The following KIAA1958 variants were observed in gnomAD, a reference collection of about 807,000 sequenced individuals.
The protein encoded by KIAA1958 is KIAA1958, also known as uncharacterized protein KIAA1958.
Under a neutral mutation model 47.2 loss-of-function variants are expected in KIAA1958, and 14 were observed. The ratio of observed to expected loss-of-function variants is 0.30; its 90% CI spans 0.20 to 0.46. The LOEUF is 0.46. Ranked by LOEUF, KIAA1958 falls within the 20% of genes least tolerant of loss-of-function variation. The probability of loss-of-function intolerance (pLI) is 1.00; values close to 1 mark genes in which losing one functional copy is unlikely to be tolerated. For synonymous variants in KIAA1958, 354 were observed against 353.3 expected, an observed-to-expected ratio of 1.00 and a Z score of -0.02; for missense variants, 803 against 909.2, an observed-to-expected ratio of 0.88 and a Z score of 1.50.
intron 2 of KIAA1958, among the ~76,000 whole-genome samples, chr9:112,644,996 G>A (rs76171559): frequency 2.6e-4 from 35 of 134,720 alleles, no homozygotes; most frequent in Admixed American, 2.4e-3. Context: ...TTAGCCAGAC[G>A]TGATGGCAGG....
chr9:112,560,198 C>CTTT (rs745805478), intron 1 of KIAA1958, among the ~76,000 whole-genome samples: 1,101 of 108,620 alleles, frequency 0.01, 35 homozygotes, highest in African/African-American at 0.029. Context: ...TTTTCTTTTT[C>CTTT]TTTTTTTTTC....
chr9:112,654,336 G>A (rs1003379219), intron 3 of KIAA1958, among the ~76,000 whole-genome samples: 1 of 152,162 alleles, frequency 6.6e-6, no homozygotes, highest in African/African-American at 2.4e-5. Context: ...TTAGGAGAAT[G>A]GATAGAATGG....
rs144004163 is a variant in KIAA1958, at chr9:112,589,060, G to T, written c.1171+13809G>T. On this transcript the variant is annotated intron_variant, in intron 2 of 3. Coordinates refer to ENST00000337530, the MANE Select transcript of KIAA1958 (RefSeq NM_133465.4). ...CTCCCAGAGCGCTAGGTTTACAGGCGTGAGCCACCGTGCCCAGCTCTCTAA... is the reference window on the plus strand; with the variant it reads ...CTCCCAGAGCGCTAGGTTTACAGGCTTGAGCCACCGTGCCCAGCTCTCTAA... Among the ~76,000 whole-genome samples the T allele has an allele frequency of 3.3e-3, 503 of 152,162 alleles. 1 individual carries two copies. Among genetic ancestry groups the T allele is most frequent in the African/African-American group, 0.011 (452 of 41,508 alleles).
intron 1 of KIAA1958, among the ~76,000 whole-genome samples, chr9:112,555,103 T>C (rs1588015980): frequency 1.3e-5 from 2 of 152,174 alleles, no homozygotes; most frequent in African/African-American, 2.4e-5. Flanking sequence ...CCCCTAACTT[T>C]ATCCTCCCAG....
In KIAA1958 at chr9:112,646,232, G is replaced by A. The variant is rs536139477; in HGVS notation, c.1344+410G>A. On this transcript the variant is annotated intron_variant, in intron 3 of 3. Coordinates refer to ENST00000337530, the MANE Select transcript of KIAA1958 (RefSeq NM_133465.4). ...CAGAGGCCTCATATCTTGGTATCATGGACAATAAAACCAGATTCTGATAAC... is the reference window on the plus strand; with the variant it reads ...CAGAGGCCTCATATCTTGGTATCATAGACAATAAAACCAGATTCTGATAAC... 5.3e-5 allele frequency among the ~76,000 whole-genome samples: 8 copies of A among 152,190 alleles called. No individual in the cohort carries two copies. The South Asian group carries it at 1.7e-3, about 32-fold the overall frequency.
rs1833860104 is a variant in KIAA1958 at position 112,486,936 on chromosome 9, C to T, written c.-207C>T. 6.4e-6 allele frequency: 1 copy of T among 155,974 alleles called. No homozygotes were observed. Among genetic ancestry groups the T allele is most frequent in the African/African-American group, 2.5e-5 (1 of 40,600 alleles). 9.7% of individuals were successfully genotyped at this position (155,974 alleles called of 1,614,324 possible). On this transcript the variant is annotated 5_prime_UTR_variant, in exon 1 of 4. Transcript: ENST00000337530. ...TGGCGCCCCCGCCCCCCGCCCCGCT[C>T]CTCGGTCCGCCGCCCGCCGGGCGCC...
At chr9:112,504,050 T>C (rs1834192141) in intron 1 of KIAA1958, among the ~76,000 whole-genome samples, 1 of 152,180 alleles carries the variant, frequency 6.6e-6, no homozygotes, top group Non-Finnish European at 1.5e-5. Flanking sequence ...TCAAGTACTT[T>C]AGATCTTTCT....
At chr9:112,526,457 G>A (rs149897814) in intron 1 of KIAA1958, among the ~76,000 whole-genome samples, 119 of 152,086 alleles carry the variant, frequency 7.8e-4, no homozygotes, top group African/African-American at 2.8e-3. Context: ...CTTTGGCCAG[G>A]CTGGTCTCAA....
chr9:112,533,513 G>A (rs1480934604), intron 1 of KIAA1958, among the ~76,000 whole-genome samples: 1 of 149,938 alleles, frequency 6.7e-6, no homozygotes, highest in Non-Finnish European at 1.5e-5. Context: ...CCCGGGAGAC[G>A]GAGCTTGCAG....
In KIAA1958 at chr9:112,609,582, C is replaced by T. The variant is rs138360328; in HGVS notation, c.1171+34331C>T. On this transcript the variant is annotated intron_variant, in intron 2 of 3. Transcript: ENST00000337530. ...ATTTTTGTTTTTTGAGATAGGGTCT[C>T]GCTTTGTTACTCAAGCTGGAGTGCA... 7.9e-5 allele frequency among the ~76,000 whole-genome samples: 12 copies of T among 152,198 alleles called. No individual in the cohort carries two copies. The East Asian group carries it at 2.1e-3, about 27-fold the overall frequency.
rs1835601050 is a variant in KIAA1958, at chr9:112,574,506, C to T, written c.426C>T (p.Asn142=). ...DETVEEYEDE[N]TLFDMVCESS... is the part of the protein sequence containing the mutation. The stretch of plus-strand genomic sequence containing the variant: ...CTGTTGAAGAATATGAAGATGAGAA[C>T]ACCCTGTTTGACATGGTTTGTGAGT... The change falls in exon 2 of 4, where the codon AAC becomes AAT. Residue 142 remains asparagine, a synonymous_variant. Transcript: ENST00000337530. 6.2e-7 allele frequency: 1 copy of T among 1,614,114 alleles called. No individual in the cohort carries two copies.
chr9:112,652,849 A>G (rs1837086350), intron 3 of KIAA1958, among the ~76,000 whole-genome samples: 1 of 151,924 alleles, frequency 6.6e-6, no homozygotes, highest in Non-Finnish European at 1.5e-5. Context: ...CTCAAACTCA[A>G]CTCAAGCAAT....
At chr9:112,599,072 C>CA (rs1212425335) in intron 2 of KIAA1958, among the ~76,000 whole-genome samples, 4 of 150,526 alleles carry the variant, frequency 2.7e-5, no homozygotes, top group African/African-American at 9.7e-5. Flanking sequence ...AAGACTAGAG[C>CA]AAAAAAAAGG....
intron 1 of KIAA1958, among the ~76,000 whole-genome samples, chr9:112,559,876 GAAT>G (rs1835297986): frequency 6.6e-6 from 1 of 152,136 alleles, no homozygotes; most frequent in South Asian, 2.1e-4. Context: ...AAATGTGATG[GAAT>G]AATATTGCTA....
At chr9:112,654,105 T>C (rs1198127603) in intron 3 of KIAA1958, among the ~76,000 whole-genome samples, 3 of 152,094 alleles carry the variant, frequency 2.0e-5, no homozygotes, top group Non-Finnish European at 4.4e-5. Context: ...GGGAGGGGAA[T>C]CGTAGCTGTC....
At chr9:112,523,669 G>C (rs1834592765) in intron 1 of KIAA1958, among the ~76,000 whole-genome samples, 1 of 152,102 alleles carries the variant, frequency 6.6e-6, no homozygotes, top group Non-Finnish European at 1.5e-5. Context: ...CTGTTTCGAT[G>C]GGGAGTTATG....
intron 1 of KIAA1958, among the ~76,000 whole-genome samples, chr9:112,500,098 AATTATT>A (rs1161024500): frequency 9.9e-5 from 15 of 151,474 alleles, no homozygotes; most frequent in East Asian, 9.7e-4. Flanking sequence ...TTCCTATTAA[AATTATT>A]ATTATTATTA....
chr9:112,597,588 T>A (rs564428587), intron 2 of KIAA1958, among the ~76,000 whole-genome samples: 1 of 152,204 alleles, frequency 6.6e-6, no homozygotes, highest in Non-Finnish European at 1.5e-5. Context: ...AAAAACTTCA[T>A]TGCCAAAACT....
intron 2 of KIAA1958, among the ~76,000 whole-genome samples, chr9:112,596,000 G>A (rs1403557659): frequency 6.6e-6 from 1 of 152,004 alleles, no homozygotes; most frequent in Non-Finnish European, 1.5e-5. Flanking sequence ...GGTCAGGCTG[G>A]TCTCGAACTC....
Sources: gnomAD v4.1 joint callset for allele counts (sites outside exome capture counted in the v4.1 genomes callset) on GRCh38, gnomAD v4.1.1 for gene constraint, MANE v1.5 for transcripts, NCBI Gene and HGNC (gene_info 2026-07-23, HGNC 2026-07-21) for gene names.